TTLL11: variants seen among roughly 807,000 people sequenced by gnomAD.
The protein encoded by TTLL11 is tubulin polyglutamylase TTLL11.
A neutral mutation model predicts 51.7 loss-of-function variants in TTLL11; 42 were observed. That is an observed-to-expected ratio of 0.81 (90% CI 0.64 to 1.05). The LOEUF is 1.05. TTLL11 is among the 50% of genes least tolerant of loss of function. The pLI is 0.00. For missense variants in TTLL11, 799 were observed against 940.4 expected, an observed-to-expected ratio of 0.85 and a Z score of 1.97; for synonymous variants, 381 against 383.5, an observed-to-expected ratio of 0.99 and a Z score of 0.08.
At chr9:121,936,646 A>G (rs1396938320) in intron 6 of TTLL11, among the ~76,000 whole-genome samples, 3 of 152,230 alleles carry the variant, frequency 2.0e-5, no homozygotes, top group Admixed American at 6.5e-5. Context: ...TCCTTGCCAG[A>G]GCAGGCTCGT....
intron 6 of TTLL11, among the ~76,000 whole-genome samples, chr9:121,926,584 G>A (rs1444263320): frequency 6.6e-6 from 1 of 152,202 alleles, no homozygotes; most frequent in African/African-American, 2.4e-5. Flanking sequence ...AGGCTGGGGA[G>A]GACAGCAGCT....
At chr9:121,981,751 T>C (rs1205449440) in intron 4 of TTLL11, among the ~76,000 whole-genome samples, 2 of 152,232 alleles carry the variant, frequency 1.3e-5, no homozygotes, top group African/African-American at 2.4e-5. Context: ...GTGAATAGCA[T>C]GGGTCTAGAG....
rs948607985 is a variant in TTLL11 at position 121,890,909 on chromosome 9, C to A, written c.1482-20161G>T. ...CTCTGGCCCCATCTCAGACCACAGT[C>A]CTATTTAAGCTCCAGCCACATTGCC... On this transcript the variant is annotated intron_variant, in intron 6 of 8. Transcript: ENST00000321582. This position sits in a 1 kb window ranked among gnomAD's most constrained non-coding sequence, Gnocchi z 4.3. 6.6e-6 allele frequency among the ~76,000 whole-genome samples: 1 copy of A among 152,202 alleles called. No homozygotes were observed. Among genetic ancestry groups the A allele is most frequent in the African/African-American group, 2.4e-5 (1 of 41,442 alleles).
At chr9:121,933,710 CAT>C (rs1369421188) in intron 6 of TTLL11, among the ~76,000 whole-genome samples, 1 of 150,380 alleles carries the variant, frequency 6.6e-6, no homozygotes, top group Non-Finnish European at 1.5e-5. Context: ...AAAAAAAGAA[CAT>C]TACATTTTTT....
At chr9:121,864,726 G>C (rs1279040734) in intron 7 of TTLL11, among the ~76,000 whole-genome samples, 1 of 152,080 alleles carries the variant, frequency 6.6e-6, no homozygotes, top group African/African-American at 2.4e-5. Context: ...TTTTGTTTTT[G>C]TTTTCCAGAA....
chr9:121,961,763 G>T (rs962194107), intron 6 of TTLL11, among the ~76,000 whole-genome samples: 2 of 152,154 alleles, frequency 1.3e-5, no homozygotes, highest in African/African-American at 4.8e-5. Flanking sequence ...CTTATAAAAG[G>T]GAGAAAAATA....
Position 121,881,925 on chromosome 9 carries a change from C to T in TTLL11, c.1482-11177G>A, listed in dbSNP as rs560153038. ...GAGCCAGAATGAGTGGGTTGGAATCCTGCCCCTGTTCCCAACTAGCTGGTA... is the reference window on the plus strand; with the variant it reads ...GAGCCAGAATGAGTGGGTTGGAATCTTGCCCCTGTTCCCAACTAGCTGGTA... On this transcript the variant is annotated intron_variant, in intron 6 of 8. Coordinates refer to ENST00000321582, the MANE Select transcript of TTLL11 (RefSeq NM_001139442.2). Among the ~76,000 whole-genome samples the T allele has an allele frequency of 4.6e-5, 7 of 152,252 alleles. No individual in the cohort carries two copies. The East Asian group carries it at 9.7e-4, about 21-fold the overall frequency.
intron 6 of TTLL11, among the ~76,000 whole-genome samples, chr9:121,937,009 T>G (rs554900445): frequency 1.3e-5 from 2 of 152,244 alleles, no homozygotes; most frequent in African/African-American, 4.8e-5. Context: ...GACAAGGATT[T>G]TGGTTTAAAC....
chr9:122,006,425 A>C (rs1030849084), intron 3 of TTLL11, among the ~76,000 whole-genome samples: 4 of 151,786 alleles, frequency 2.6e-5, no homozygotes, highest in Non-Finnish European at 4.4e-5. Context: ...TTGATATTTC[A>C]GAAACATCAC....
chr9:121,971,680 TA>T (rs1301356119), intron 6 of TTLL11, among the ~76,000 whole-genome samples: 2 of 133,166 alleles, frequency 1.5e-5, no homozygotes, highest in African/African-American at 2.7e-5. Context: ...CGTGTCTGTG[TA>T]GAAAGAAGTA....
At chr9:121,921,846 C>G (rs1486447822) in intron 6 of TTLL11, among the ~76,000 whole-genome samples, 1 of 152,116 alleles carries the variant, frequency 6.6e-6, no homozygotes. Flanking sequence ...TCACAGCCGC[C>G]TCCTCAGGTA....
chr9:122,090,927 T>C (rs529600875), intron 1 of TTLL11, among the ~76,000 whole-genome samples: 2 of 152,300 alleles, frequency 1.3e-5, no homozygotes, highest in South Asian at 4.1e-4. Context: ...GCAGCAGCAA[T>C]GTAATGACCT....
intron 6 of TTLL11, among the ~76,000 whole-genome samples, chr9:121,911,607 T>C (rs1588118554): frequency 6.8e-6 from 1 of 147,632 alleles, no homozygotes; most frequent in Non-Finnish European, 1.5e-5. Context: ...TATGAAGCCA[T>C]AAAAAAGAAT....
intron 1 of TTLL11, among the ~76,000 whole-genome samples, chr9:122,054,053 C>A (rs1387530284): frequency 6.6e-6 from 1 of 152,048 alleles, no homozygotes. Flanking sequence ...TTTTCCTGTT[C>A]ACTTCTTCTT....
intron 3 of TTLL11, among the ~76,000 whole-genome samples, chr9:121,997,388 G>A (rs895309185): frequency 2.0e-5 from 3 of 152,052 alleles, no homozygotes; most frequent in African/African-American, 7.2e-5. Context: ...TGCAGTCCCA[G>A]CCAGCCTCTG....
At chr9:121,968,093 C>T (rs1331471106) in intron 6 of TTLL11, among the ~76,000 whole-genome samples, 3 of 152,180 alleles carry the variant, frequency 2.0e-5, no homozygotes, top group African/African-American at 4.8e-5. Flanking sequence ...GTACTAAATG[C>T]CACGGAATTG....
chr9:122,018,109 CTTTTTTT>C (rs386416144), intron 3 of TTLL11, among the ~76,000 whole-genome samples: 1 of 121,570 alleles, frequency 8.2e-6, no homozygotes, highest in African/African-American at 3.2e-5. Context: ...AATAATGCCA[CTTTTTTT>C]TTTTTTTTTT....
At chr9:121,917,873 G>C (rs1239708797) in intron 6 of TTLL11, among the ~76,000 whole-genome samples, 1 of 152,130 alleles carries the variant, frequency 6.6e-6, no homozygotes, top group Non-Finnish European at 1.5e-5. Flanking sequence ...AAATAAAATG[G>C]GGTCATTGAA....
intron 8 of TTLL11, among the ~76,000 whole-genome samples, chr9:121,857,008 C>G (rs1837843708): frequency 6.6e-6 from 1 of 152,212 alleles, no homozygotes; most frequent in Admixed American, 6.5e-5. Context: ...CTTGGACCAG[C>G]CTTGAGAAGG....
Sources: gnomAD v4.1 joint callset for allele counts (sites outside exome capture counted in the v4.1 genomes callset) on GRCh38, gnomAD v4.1.1 for gene constraint, Gnocchi (gnomAD v3.1) non-coding constraint, MANE v1.5 for transcripts, NCBI Gene and HGNC (gene_info 2026-07-23, HGNC 2026-07-21) for gene names.